Variants in OSBPL10 observed in about 807,000 individuals in gnomAD.
OSBPL10 encodes oxysterol binding protein like 10.
Under a neutral mutation model 81.7 loss-of-function variants are expected in OSBPL10, and 49 were observed. That is an observed-to-expected ratio of 0.60 (90% CI 0.48 to 0.76). OSBPL10 has a LOEUF of 0.76. Among genes scored for constraint, OSBPL10 ranks in the 30% least tolerant of loss-of-function variants. The pLI is 0.00. For synonymous variants in OSBPL10, 419 were observed against 383.6 expected (o/e 1.09, Z -1.08); for missense variants, 923 against 987.8 (o/e 0.93, Z 0.88).
rs549489941 is a variant in OSBPL10 at position 31,734,749 on chromosome 3, AT to A, written c.941-1339del. 1.3e-4 allele frequency among the ~76,000 whole-genome samples: 20 copies of A among 152,294 alleles called. 1 individual carries two copies. In the South Asian group the frequency reaches 3.9e-3, roughly 30 times the overall value. On this transcript the variant is annotated intron_variant, in intron 5 of 11. Coordinates refer to ENST00000396556, the MANE Select transcript of OSBPL10 (RefSeq NM_017784.5). ...CAAGACACTGTCTCCAAAAAAGCTA[AT>A]AAAAAATAGATAAGTCTCAAGCTCA...
chr3:31,872,432 C>G (rs931056180), intron 3 of OSBPL10, among the ~76,000 whole-genome samples: 1 of 149,692 alleles, frequency 6.7e-6, no homozygotes, highest in Non-Finnish European at 1.5e-5. Flanking sequence ...AAAGCCAATA[C>G]GTGTTTTGTT....
At chr3:31,812,740 A>G (rs1173870708) in intron 4 of OSBPL10, among the ~76,000 whole-genome samples, 1 of 26,674 alleles carries the variant, frequency 3.7e-5, no homozygotes, top group African/African-American at 1.2e-4. Flanking sequence ...GAAAGAAAGA[A>G]AGAAAGAAAG....
intron 4 of OSBPL10, among the ~76,000 whole-genome samples, chr3:31,771,966 T>C (rs1430945286): frequency 1.3e-5 from 2 of 152,200 alleles, no homozygotes; most frequent in African/African-American, 4.8e-5. Context: ...TGAAACATGT[T>C]CATTTAAGAA....
chr3:31,905,895 G>GA (rs59527757), intron 1 of OSBPL10, among the ~76,000 whole-genome samples: 72,173 of 144,236 alleles, frequency 0.5, 18,822 homozygotes, highest in African/African-American at 0.69. Flanking sequence ...CTCAAAGAAG[G>GA]AAAAAAAAAA....
chr3:31,955,885 G>A (rs1697994083), intron 1 of OSBPL10, among the ~76,000 whole-genome samples: 1 of 152,138 alleles, frequency 6.6e-6, no homozygotes, highest in African/African-American at 2.4e-5. Flanking sequence ...CAAACCAGAA[G>A]GTCAGAACTT....
At chr3:31,670,342 A>G (rs1700291458) in intron 9 of OSBPL10, among the ~76,000 whole-genome samples, 1 of 152,220 alleles carries the variant, frequency 6.6e-6, no homozygotes, top group Non-Finnish European at 1.5e-5. Flanking sequence ...CTCTCCTTCA[A>G]TTACTTAGGC....
At chr3:31,992,124 C>CA in intron 2 of OSBPL10, among the ~76,000 whole-genome samples, 1 of 131,594 alleles carries the variant, frequency 7.6e-6, no homozygotes, top group East Asian at 2.2e-4. Context: ...CCAACCTAGG[C>CA]AACAGAGCGA....
intron 2 of OSBPL10, among the ~76,000 whole-genome samples, chr3:32,010,056 C>T (rs1359066270): frequency 6.6e-6 from 1 of 152,054 alleles, no homozygotes; most frequent in African/African-American, 2.4e-5. Context: ...AACGGTAGGG[C>T]CCTAATCTAA....
At position 31,781,449 on chromosome 3, in the gene OSBPL10, G is replaced by C. The variant is rs543447633; in HGVS notation, c.730-33329C>G. On this transcript the variant is annotated intron_variant, in intron 4 of 11. Transcript: ENST00000396556. ...ACCACTTCTATTCAACACAGTACTG[G>C]AAGTCCTAGCCAGAGCAATCAGACA... Among the ~76,000 whole-genome samples, 5 of 152,244 alleles carry C rather than the reference G, an allele frequency of 3.3e-5. No homozygotes were observed. In the South Asian group the frequency reaches 1.0e-3, roughly 32 times the overall value.
chr3:31,726,027 T>C (rs1696797865), intron 6 of OSBPL10, among the ~76,000 whole-genome samples: 1 of 152,184 alleles, frequency 6.6e-6, no homozygotes. Flanking sequence ...GAAAACCTGC[T>C]TGGGGTACAT....
At chr3:32,076,063 C>A (rs988282288) in intron 1 of OSBPL10, among the ~76,000 whole-genome samples, 1 of 152,144 alleles carries the variant, frequency 6.6e-6, no homozygotes, top group Non-Finnish European at 1.5e-5. Context: ...CCACCTATCC[C>A]AAAACCTGTA....
At chr3:32,006,709 C>A (rs577100836) in intron 2 of OSBPL10, among the ~76,000 whole-genome samples, 3 of 152,258 alleles carry the variant, frequency 2.0e-5, no homozygotes, top group Admixed American at 2.0e-4. Context: ...GTGGTGTCAA[C>A]CTCATATATC....
At chr3:31,824,959 A>G (rs917545943) in intron 4 of OSBPL10, among the ~76,000 whole-genome samples, 5 of 152,150 alleles carry the variant, frequency 3.3e-5, no homozygotes, top group African/African-American at 1.2e-4. Flanking sequence ...GTTTTGGCAG[A>G]AAGTTCTGCT....
At chr3:31,812,816 AAG>A (rs113963524) in intron 4 of OSBPL10, among the ~76,000 whole-genome samples, 2,501 of 31,530 alleles carry the variant, frequency 0.079, 289 homozygotes, top group East Asian at 0.4. Flanking sequence ...GAAAGAAAGA[AAG>A]AGAAAGAAAG....
At chr3:31,667,302 A>T (rs185017490) in intron 10 of OSBPL10, among the ~76,000 whole-genome samples, 13 of 152,320 alleles carry the variant, frequency 8.5e-5, no homozygotes, top group African/African-American at 2.9e-4. Context: ...GAAAAAGACA[A>T]CTGGTAAGAG....
intron 7 of OSBPL10, among the ~76,000 whole-genome samples, chr3:31,697,495 T>C (rs1318160034): frequency 6.6e-6 from 1 of 152,212 alleles, no homozygotes; most frequent in Non-Finnish European, 1.5e-5. Context: ...TTAGTAATTA[T>C]TATTCTAGCT....
chr3:31,998,206 G>A (rs969610434), intron 2 of OSBPL10, among the ~76,000 whole-genome samples: 43 of 152,198 alleles, frequency 2.8e-4, no homozygotes, highest in African/African-American at 9.9e-4. Context: ...GTACTATGAT[G>A]TGTGAGAGAG....
At chr3:31,809,602 A>G (rs1291435596) in intron 4 of OSBPL10, among the ~76,000 whole-genome samples, 1 of 152,230 alleles carries the variant, frequency 6.6e-6, no homozygotes, top group Non-Finnish European at 1.5e-5. Flanking sequence ...CTTGTGGAAT[A>G]GTTGAAACGA....
intron 1 of OSBPL10, among the ~76,000 whole-genome samples, chr3:31,956,855 G>A (rs143283060): frequency 1.9e-3 from 285 of 152,262 alleles, no homozygotes; most frequent in African/African-American, 5.8e-3. Context: ...ACATTGGGCC[G>A]GGTGTGGTGG....
Sources: allele counts gnomAD v4.1 joint callset (sites outside exome capture counted in the v4.1 genomes callset), GRCh38; gene constraint gnomAD v4.1.1; transcripts MANE v1.5; gene names NCBI Gene and HGNC (gene_info 2026-07-23, HGNC 2026-07-21).